The following LRRC4C variants were observed in gnomAD, a reference collection of about 807,000 sequenced individuals.
LRRC4C encodes the protein leucine-rich repeat-containing protein 4C.
Under a neutral mutation model 33.6 loss-of-function variants are expected in LRRC4C, and 5 were observed. The observed-to-expected ratio is 0.15, with a 90% CI of 0.08 to 0.31. LRRC4C has a LOEUF of 0.31. Ranked by LOEUF, LRRC4C falls within the 10% of genes least tolerant of loss-of-function variation. The pLI is 1.00. For synonymous variants in LRRC4C, 329 were observed against 302.0 expected (o/e 1.09, Z -0.93); for missense variants, 560 against 796.7 (o/e 0.70, Z 3.58).
chr11:40,473,974 C>T (rs868383980), intron 3 of LRRC4C, among the ~76,000 whole-genome samples: 2 of 152,108 alleles, frequency 1.3e-5, no homozygotes, highest in African/African-American at 4.8e-5. Flanking sequence ...AACGGAAAAA[C>T]GTTCCATGGT....
intron 1 of LRRC4C, among the ~76,000 whole-genome samples, chr11:41,156,327 T>G (rs1944232087): frequency 6.6e-6 from 1 of 152,172 alleles, no homozygotes; most frequent in Admixed American, 6.6e-5. Context: ...TCTCTAATAC[T>G]ATTAGATATT....
chr11:41,104,167 G>T (rs542526789), intron 1 of LRRC4C, among the ~76,000 whole-genome samples: 1 of 151,856 alleles, frequency 6.6e-6, no homozygotes, highest in South Asian at 2.1e-4. Context: ...GAAAATGAAA[G>T]GTTGGCAACA....
chr11:40,256,635 C>A (rs1382732578), intron 4 of LRRC4C, among the ~76,000 whole-genome samples: 4 of 152,144 alleles, frequency 2.6e-5, no homozygotes, highest in African/African-American at 9.7e-5. Context: ...AACTATATAA[C>A]CACATCTCCT....
chr11:41,189,607 T>G (rs1945856893), intron 1 of LRRC4C, among the ~76,000 whole-genome samples: 1 of 152,026 alleles, frequency 6.6e-6, no homozygotes, highest in Admixed American at 6.6e-5. Context: ...AGAAAAAGAC[T>G]AAAGGAAAGG....
intron 1 of LRRC4C, among the ~76,000 whole-genome samples, chr11:40,961,488 T>C (rs571671347): frequency 1.3e-5 from 2 of 151,726 alleles, no homozygotes; most frequent in Non-Finnish European, 2.9e-5. Context: ...CCTACCTGTG[T>C]CTTTCATGAC....
intron 3 of LRRC4C, among the ~76,000 whole-genome samples, chr11:40,630,044 T>A (rs1262012447): frequency 2.0e-5 from 3 of 152,036 alleles, no homozygotes; most frequent in Non-Finnish European, 4.4e-5. Flanking sequence ...AAATAAATAA[T>A]CTCCAATATC....
chr11:40,460,163 A>G (rs190597920), intron 3 of LRRC4C, among the ~76,000 whole-genome samples: 11 of 151,936 alleles, frequency 7.2e-5, no homozygotes, highest in African/African-American at 2.7e-4. Context: ...ACTGGTACCA[A>G]CTCCAGCCAC....
At position 40,476,741 on chromosome 11, in the gene LRRC4C, T is replaced by C. The variant is rs551220487; in HGVS notation, c.-269-157020A>G. ...ATAACAAAGATATTTTCTTTGAATG[T>C]AAAATTTATGAAGTTTTTTCTATTT... On this transcript the variant is annotated intron_variant, in intron 3 of 6. Transcript: ENST00000528697. Among the ~76,000 whole-genome samples the C allele has an allele frequency of 5.3e-5, 8 of 152,332 alleles. No individual in the cohort carries two copies. The South Asian group carries it at 1.7e-3, about 32-fold the overall frequency.
intron 3 of LRRC4C, among the ~76,000 whole-genome samples, chr11:40,359,574 C>G (rs1023686579): frequency 6.6e-6 from 1 of 152,142 alleles, no homozygotes; most frequent in Non-Finnish European, 1.5e-5. Flanking sequence ...ATCTAAGGAT[C>G]CTTGCCTCCA....
chr11:40,759,992 T>G (rs1241957611), intron 2 of LRRC4C, among the ~76,000 whole-genome samples: 2 of 150,500 alleles, frequency 1.3e-5, no homozygotes, highest in Non-Finnish European at 3.0e-5. Context: ...AAAGGAGTAA[T>G]TCGGTTTTGA....
intron 1 of LRRC4C, among the ~76,000 whole-genome samples, chr11:41,364,760 C>A (rs903708049): frequency 2.0e-5 from 3 of 152,174 alleles, no homozygotes; most frequent in Non-Finnish European, 4.4e-5. Context: ...AATAATGTGT[C>A]TGAGTCAAAA....
At chr11:41,116,538 T>C (rs1942137855) in intron 1 of LRRC4C, among the ~76,000 whole-genome samples, 1 of 152,114 alleles carries the variant, frequency 6.6e-6, no homozygotes, top group Non-Finnish European at 1.5e-5. Flanking sequence ...GTAACAGTAA[T>C]AATAATAACC....
At chr11:40,357,910 C>A (rs1218699764) in intron 3 of LRRC4C, among the ~76,000 whole-genome samples, 1 of 152,128 alleles carries the variant, frequency 6.6e-6, no homozygotes, top group Non-Finnish European at 1.5e-5. Context: ...AGTGGCCAGG[C>A]ACAGTGGCTC....
chr11:41,129,917 G>A (rs752614932), intron 1 of LRRC4C, among the ~76,000 whole-genome samples: 34 of 151,910 alleles, frequency 2.2e-4, no homozygotes, highest in Non-Finnish European at 4.4e-4. Flanking sequence ...GGCTGTAACT[G>A]TATATGATTA....
At chr11:40,354,505 C>T (rs541714885) in intron 3 of LRRC4C, among the ~76,000 whole-genome samples, 9 of 152,234 alleles carry the variant, frequency 5.9e-5, no homozygotes, top group Non-Finnish European at 1.2e-4. Flanking sequence ...AAGGAATTTA[C>T]GTGATGGTCT....
chr11:41,031,984 T>G (rs1247459026), intron 1 of LRRC4C, among the ~76,000 whole-genome samples: 1 of 151,958 alleles, frequency 6.6e-6, no homozygotes, highest in African/African-American at 2.4e-5. Flanking sequence ...TTCACAAAAT[T>G]TCCTTGTGGC....
chr11:40,367,426 T>A (rs1018109982), intron 3 of LRRC4C, among the ~76,000 whole-genome samples: 6 of 152,132 alleles, frequency 3.9e-5, no homozygotes, highest in Admixed American at 3.3e-4. Flanking sequence ...CTGAATTGCA[T>A]AATGTACAAC....
chr11:40,896,643 A>G (rs1210963079), intron 2 of LRRC4C, among the ~76,000 whole-genome samples: 1 of 151,998 alleles, frequency 6.6e-6, no homozygotes, highest in Non-Finnish European at 1.5e-5. Flanking sequence ...AGATAAGAGT[A>G]AAATCATATG....
At chr11:40,789,684 C>A (rs970185459) in intron 2 of LRRC4C, among the ~76,000 whole-genome samples, 4 of 152,154 alleles carry the variant, frequency 2.6e-5, no homozygotes, top group African/African-American at 9.7e-5. Flanking sequence ...TAGATGTGTA[C>A]AAATGTTTCT....
Sources: gnomAD v4.1 joint callset for allele counts (sites outside exome capture counted in the v4.1 genomes callset) on GRCh38, gnomAD v4.1.1 for gene constraint, MANE v1.5 for transcripts, NCBI Gene and HGNC (gene_info 2026-07-23, HGNC 2026-07-21) for gene names.